ADAM12: variants seen among roughly 807,000 people sequenced by gnomAD.
ADAM12 encodes the protein disintegrin and metalloproteinase domain-containing protein 12.
In ADAM12, 70 loss-of-function variants were observed where a neutral mutation model predicts 106.4. The ratio of observed to expected loss-of-function variants is 0.66; its 90% CI spans 0.54 to 0.80. ADAM12 has a LOEUF of 0.80. ADAM12 is among the 30% of genes least tolerant of loss of function. The pLI is 0.00. For synonymous variants in ADAM12, 420 were observed against 433.5 expected (o/e 0.97, Z 0.39); for missense variants, 1,010 against 1,171.9 (o/e 0.86, Z 2.02).
intron 1 of ADAM12, among the ~76,000 whole-genome samples, chr10:126,336,279 A>G (rs1854696755): frequency 6.6e-6 from 1 of 152,194 alleles, no homozygotes; most frequent in African/African-American, 2.4e-5. Context: ...AAGTCTACTA[A>G]GAATAATTTT....
rs1016563900 is a variant in ADAM12, at chr10:126,226,759, T to C, written c.260+52156A>G. 1.3e-5 allele frequency among the ~76,000 whole-genome samples: 2 copies of C among 152,202 alleles called. 1 individual carries two copies. Among genetic ancestry groups the C allele is most frequent in the South Asian group, 4.1e-4 (2 of 4,824 alleles). ...ATTGAGGACAGGAGCCAACATTTACTGAGCGATTACTATGTGCCAGGCACT... is the reference window on the plus strand; with the variant it reads ...ATTGAGGACAGGAGCCAACATTTACCGAGCGATTACTATGTGCCAGGCACT... On this transcript the variant is annotated intron_variant, in intron 3 of 22. Coordinates refer to ENST00000448723, the MANE Select transcript of ADAM12 (RefSeq NM_001288973.2).
chr10:126,057,834 T>A (rs1021568397), intron 14 of ADAM12, among the ~76,000 whole-genome samples: 2 of 152,224 alleles, frequency 1.3e-5, no homozygotes, highest in African/African-American at 4.8e-5. Flanking sequence ...GTTATTGTTT[T>A]GTTGAACACC....
At chr10:126,195,168 T>C (rs1469822912) in intron 3 of ADAM12, among the ~76,000 whole-genome samples, 1 of 152,192 alleles carries the variant, frequency 6.6e-6, no homozygotes, top group Non-Finnish European at 1.5e-5. Context: ...AAGTTCAAGA[T>C]CTACTGTGCA....
Position 126,101,055 on chromosome 10 carries a change from A to G in ADAM12, c.911+17T>C, listed in dbSNP as rs995259984. ...GCACTCCTTTTTTTTTTAAGCAGAC[A>G]AGACGTAACTCCCTACCTGACAAGC... On this transcript the variant is annotated intron_variant, in intron 9 of 22. Transcript: ENST00000448723. The G allele has an allele frequency of 8.7e-6, 14 of 1,611,988 alleles. No homozygotes were observed. In the East Asian group the frequency reaches 2.9e-4, roughly 33 times the overall value.
chr10:126,269,656 C>G (rs1959166293), intron 3 of ADAM12, among the ~76,000 whole-genome samples: 1 of 152,114 alleles, frequency 6.6e-6, no homozygotes, highest in Non-Finnish European at 1.5e-5. Flanking sequence ...CATTACTGTC[C>G]TCTTGGGATA....
chr10:126,384,765 C>T (rs1856604548), intron 1 of ADAM12, among the ~76,000 whole-genome samples: 1 of 152,216 alleles, frequency 6.6e-6, no homozygotes, highest in African/African-American at 2.4e-5. Flanking sequence ...CACCTCTGGT[C>T]ACCCAAATGT....
intron 3 of ADAM12, among the ~76,000 whole-genome samples, chr10:126,177,381 A>G (rs977641309): frequency 6.6e-6 from 1 of 152,176 alleles, no homozygotes; most frequent in Non-Finnish European, 1.5e-5. Context: ...GCTAATATTT[A>G]ATAAGCACTC....
chr10:126,230,243 G>C (rs1022196486), intron 3 of ADAM12, among the ~76,000 whole-genome samples: 1 of 152,144 alleles, frequency 6.6e-6, no homozygotes, highest in East Asian at 1.9e-4. Flanking sequence ...AGGGGTCAGG[G>C]ACTGGATCTG....
In ADAM12 at chr10:126,230,253, G is replaced by C. The variant is rs117947514; in HGVS notation, c.260+48662C>G. On this transcript the variant is annotated intron_variant, in intron 3 of 22. Coordinates refer to ENST00000448723, the MANE Select transcript of ADAM12 (RefSeq NM_001288973.2). ...CGTAGAGGGGTCAGGGACTGGATCT[G>C]TTTCTACCCGCCCCTCACACCTTAT... Among the ~76,000 whole-genome samples the C allele has an allele frequency of 2.9e-4, 44 of 152,266 alleles. No homozygotes were observed. The East Asian group carries it at 8.5e-3, about 29-fold the overall frequency.
chr10:126,246,226 G>A (rs1958626483), intron 3 of ADAM12, among the ~76,000 whole-genome samples: 1 of 152,198 alleles, frequency 6.6e-6, no homozygotes, highest in South Asian at 2.1e-4. Context: ...GAAACTGGGA[G>A]AAGGATGAAA....
chr10:126,035,332 A>G (rs1020618867), intron 21 of ADAM12, among the ~76,000 whole-genome samples: 3 of 152,172 alleles, frequency 2.0e-5, no homozygotes, highest in Non-Finnish European at 4.4e-5. Flanking sequence ...AGAACTTTCT[A>G]ACAGCAAAAA....
At chr10:126,129,549 A>G (rs1956267020) in intron 5 of ADAM12, among the ~76,000 whole-genome samples, 1 of 152,206 alleles carries the variant, frequency 6.6e-6, no homozygotes, top group South Asian at 2.1e-4. Context: ...CTGTGCCTCC[A>G]GGCTCCCTGG....
At chr10:126,381,965 A>G (rs1267404365) in intron 1 of ADAM12, among the ~76,000 whole-genome samples, 1 of 111,516 alleles carries the variant, frequency 9.0e-6, no homozygotes, top group African/African-American at 3.2e-5. Flanking sequence ...ACAATGCAAG[A>G]CCCTGTCTCA....
chr10:126,376,132 G>C (rs1590841910), intron 1 of ADAM12, among the ~76,000 whole-genome samples: 1 of 151,778 alleles, frequency 6.6e-6, no homozygotes, highest in Non-Finnish European at 1.5e-5. Context: ...GGAATGTATA[G>C]GAAAAAACAA....
intron 3 of ADAM12, among the ~76,000 whole-genome samples, chr10:126,209,300 C>T (rs987464071): frequency 5.9e-5 from 9 of 152,186 alleles, no homozygotes; most frequent in Admixed American, 2.0e-4. Flanking sequence ...ATTTTTTAGA[C>T]ACCTCTATAA....
At chr10:126,106,736 G>A (rs74917104) in intron 8 of ADAM12, among the ~76,000 whole-genome samples, 4 of 151,904 alleles carry the variant, frequency 2.6e-5, no homozygotes, top group African/African-American at 2.4e-5. Flanking sequence ...CGCCCGCCTC[G>A]GCCTCCCAAA....
At chr10:126,337,784 T>C (rs1262825215) in intron 1 of ADAM12, among the ~76,000 whole-genome samples, 1 of 152,216 alleles carries the variant, frequency 6.6e-6, no homozygotes, top group Non-Finnish European at 1.5e-5. Context: ...TTATCAGTCA[T>C]TGGAAAGAAA....
At chr10:126,042,795 C>T (rs1306614095) in intron 18 of ADAM12, among the ~76,000 whole-genome samples, 2 of 152,216 alleles carry the variant, frequency 1.3e-5, no homozygotes, top group African/African-American at 4.8e-5. Flanking sequence ...AGAAAAGTGT[C>T]GCAGGCTAAG....
rs141032790 is a variant in ADAM12, at chr10:126,101,677, G to T, written c.742-436C>A. 1.1e-3 allele frequency among the ~76,000 whole-genome samples: 166 copies of T among 152,286 alleles called. No individual in the cohort carries two copies. In the South Asian group the frequency reaches 0.011, roughly 10 times the overall value. ...TTGTTCATTTTGAGCAAAATGTTCT[G>T]CTTATTAGTTACTGAAAATGAATCT... is the stretch of plus-strand genomic sequence containing the variant. On this transcript the variant is annotated intron_variant, in intron 8 of 22. Coordinates refer to ENST00000448723, the MANE Select transcript of ADAM12 (RefSeq NM_001288973.2).
Sources: allele counts gnomAD v4.1 joint callset (sites outside exome capture counted in the v4.1 genomes callset), GRCh38; gene constraint gnomAD v4.1.1; transcripts MANE v1.5; gene names NCBI Gene and HGNC (gene_info 2026-07-23, HGNC 2026-07-21).